SYN3: variants seen among roughly 807,000 people sequenced by gnomAD.
SYN3 encodes synapsin III, also known as synapsin-3.
A neutral mutation model predicts 65.8 loss-of-function variants in SYN3; 35 were observed. The ratio of observed to expected loss-of-function variants is 0.53; its 90% CI spans 0.41 to 0.70. SYN3 has a LOEUF of 0.70. Among genes scored for constraint, SYN3 ranks in the 30% least tolerant of loss-of-function variants. SYN3 has a pLI of 0.00. For missense variants in SYN3, 680 were observed against 749.0 expected, an observed-to-expected ratio of 0.91 and a Z score of 1.08; for synonymous variants, 270 against 292.9, an observed-to-expected ratio of 0.92 and a Z score of 0.80.
intron 6 of SYN3, chr22:32,859,548 C>A: frequency 1.2e-6 from 1 of 819,482 alleles, no homozygotes; most frequent in Non-Finnish European, 1.9e-6. Context: ...TGGGAACTAT[C>A]CTCCTGGCCC....
At chr22:32,626,834 G>A (rs59972896) in intron 6 of SYN3, among the ~76,000 whole-genome samples, 11,246 of 152,256 alleles carry the variant, frequency 0.074, 901 homozygotes, top group African/African-American at 0.2. Context: ...CGTCTATCAT[G>A]TAGTAGGTAT....
intron 2 of SYN3, among the ~76,000 whole-genome samples, chr22:32,997,046 G>C (rs2052901320): frequency 6.6e-6 from 1 of 152,236 alleles, no homozygotes. Context: ...CAGTAGAGGA[G>C]GGGCTGAGCT....
At chr22:32,952,566 G>C (rs1224663924) in intron 3 of SYN3, among the ~76,000 whole-genome samples, 2 of 151,894 alleles carry the variant, frequency 1.3e-5, no homozygotes, top group Non-Finnish European at 2.9e-5. Context: ...ACCAGCCTGG[G>C]AAAACATAGT....
chr22:32,529,636 G>C (rs1055465977), intron 10 of SYN3, among the ~76,000 whole-genome samples: 1 of 152,154 alleles, frequency 6.6e-6, no homozygotes, highest in African/African-American at 2.4e-5. Flanking sequence ...TAGAGCAACT[G>C]AGGCCCAGAG....
chr22:32,777,863 G>C (rs534712400), intron 6 of SYN3, among the ~76,000 whole-genome samples: 1 of 152,198 alleles, frequency 6.6e-6, no homozygotes, highest in Non-Finnish European at 1.5e-5. Context: ...TGAATTCATG[G>C]ATTTAATTGG....
intron 3 of SYN3, among the ~76,000 whole-genome samples, chr22:32,940,725 G>A (rs1259555857): frequency 6.6e-6 from 1 of 152,094 alleles, no homozygotes; most frequent in African/African-American, 2.4e-5. Context: ...TTATCAATTT[G>A]TCTATCCTGT....
At chr22:32,864,444 T>C (rs1170319765) in intron 6 of SYN3, 1 of 156,370 alleles carries the variant, frequency 6.4e-6, no homozygotes, top group East Asian at 1.9e-4. Flanking sequence ...AGATCTCAGG[T>C]GCATTCAGAA....
chr22:32,582,552 C>T (rs551843075), intron 7 of SYN3, among the ~76,000 whole-genome samples: 14 of 150,882 alleles, frequency 9.3e-5, no homozygotes, highest in Admixed American at 2.0e-4. Flanking sequence ...TTTGTAGAGA[C>T]GGGCTGGGGG....
chr22:33,007,627 G>A (rs952683761), intron 1 of SYN3, among the ~76,000 whole-genome samples: 1 of 152,192 alleles, frequency 6.6e-6, no homozygotes, highest in Non-Finnish European at 1.5e-5. Context: ...TGAAAGCAAA[G>A]GTAAAAGGCA....
chr22:32,544,959 A>G (rs1407741916), intron 7 of SYN3, among the ~76,000 whole-genome samples: 2 of 152,200 alleles, frequency 1.3e-5, no homozygotes, highest in Non-Finnish European at 2.9e-5. Flanking sequence ...TATGGGGGGC[A>G]TGTGTCCATC....
chr22:32,838,772 T>C (rs1346488617), intron 6 of SYN3, among the ~76,000 whole-genome samples: 1 of 152,000 alleles, frequency 6.6e-6, no homozygotes, highest in Non-Finnish European at 1.5e-5. Context: ...TTCGTTATTG[T>C]ATTACCTTTG....
In SYN3 at chr22:32,710,997, G is replaced by A. The variant is rs115725218; in HGVS notation, c.712-114261C>T. Among the ~76,000 whole-genome samples the A allele has an allele frequency of 3.2e-3, 491 of 152,226 alleles. 3 individuals carry two copies. Among genetic ancestry groups the A allele is most frequent in the African/African-American group, 0.011 (452 of 41,538 alleles). ...ATACCCTGCCTAACAGTGACATGCCGGAGATGCTCTTCACTCTTCTTCTCC... is the reference window on the plus strand; with the variant it reads ...ATACCCTGCCTAACAGTGACATGCCAGAGATGCTCTTCACTCTTCTTCTCC... On this transcript the variant is annotated intron_variant, in intron 6 of 13. Transcript: ENST00000358763.
chr22:32,630,839 T>C (rs937539519), intron 6 of SYN3, among the ~76,000 whole-genome samples: 4 of 152,196 alleles, frequency 2.6e-5, no homozygotes, highest in African/African-American at 9.7e-5. Context: ...GTGTGTTCCC[T>C]ACTGTTCTAT....
intron 3 of SYN3, among the ~76,000 whole-genome samples, chr22:32,945,926 C>T (rs879209415): frequency 6.6e-6 from 1 of 152,162 alleles, no homozygotes; most frequent in Admixed American, 6.5e-5. Context: ...ATGCAGCCAA[C>T]AGACACATGA....
chr22:32,555,494 T>C (rs529415221), intron 7 of SYN3, among the ~76,000 whole-genome samples: 1 of 152,330 alleles, frequency 6.6e-6, no homozygotes, highest in East Asian at 1.9e-4. Context: ...AAGTCCCAGC[T>C]TGGAGCATGC....
At chr22:32,608,087 G>A (rs536182103) in intron 6 of SYN3, among the ~76,000 whole-genome samples, 3 of 152,296 alleles carry the variant, frequency 2.0e-5, no homozygotes, top group African/African-American at 4.8e-5. Context: ...TTCTTGAGAT[G>A]GAGTCTCGCT....
In SYN3 at chr22:32,508,191, A is replaced by T. The variant is rs1568986161; in HGVS notation, c.*5501T>A. ...AGTGAAAAGGCCCTGCCCCGCCTTAACTGATGACATTCCACCATTGTGATT... is the reference window on the plus strand; with the variant it reads ...AGTGAAAAGGCCCTGCCCCGCCTTATCTGATGACATTCCACCATTGTGATT... On this transcript the variant is annotated 3_prime_UTR_variant, in exon 14 of 14. Transcript: ENST00000358763. Among the ~76,000 whole-genome samples, 1 of 152,200 alleles carries T rather than the reference A, an allele frequency of 6.6e-6. No individual in the cohort carries two copies. The highest frequency in any genetic ancestry group is 1.5e-5 in the Non-Finnish European group (1 of 68,036).
intron 6 of SYN3, among the ~76,000 whole-genome samples, chr22:32,840,501 A>ACCACCAG (rs2047864749): frequency 6.9e-6 from 1 of 145,462 alleles, no homozygotes; most frequent in Non-Finnish European, 1.5e-5. Flanking sequence ...GCCGCTCCCC[A>ACCACCAG]CCCCCAGCCC....
intron 12 of SYN3, among the ~76,000 whole-genome samples, chr22:32,518,920 C>A (rs114940951): frequency 1.3e-5 from 2 of 152,072 alleles, no homozygotes; most frequent in East Asian, 3.9e-4. Context: ...TGAGGTGATA[C>A]GGTGGGGCCC....
Sources: allele counts gnomAD v4.1 joint callset (sites outside exome capture counted in the v4.1 genomes callset), GRCh38; gene constraint gnomAD v4.1.1; transcripts MANE v1.5; gene names NCBI Gene and HGNC (gene_info 2026-07-23, HGNC 2026-07-21).